KCNC2: variants seen among roughly 807,000 people sequenced by gnomAD.
KCNC2 encodes potassium voltage-gated channel subfamily C member 2, also known as voltage-gated potassium channel KCNC2.
Under a neutral mutation model 44.5 loss-of-function variants are expected in KCNC2, and 21 were observed. The ratio of observed to expected loss-of-function variants is 0.47; its 90% CI spans 0.33 to 0.68. KCNC2 has a LOEUF of 0.68. Ranked by LOEUF, KCNC2 falls within the 30% of genes least tolerant of loss-of-function variation. The probability of loss-of-function intolerance (pLI) is 0.01; values close to 1 mark genes in which losing one functional copy is unlikely to be tolerated. For synonymous variants in KCNC2, 391 were observed against 339.1 expected (o/e 1.15, Z -1.68); for missense variants, 589 against 826.2 (o/e 0.71, Z 3.52).
intron 2 of KCNC2, among the ~76,000 whole-genome samples, chr12:75,147,925 T>A (rs565354173): frequency 6.6e-6 from 1 of 152,232 alleles, no homozygotes; most frequent in African/African-American, 2.4e-5. Context: ...AGTATTATAG[T>A]CCAAACTACA....
At chr12:75,051,592 A>G (rs1015662495) in intron 2 of KCNC2, among the ~76,000 whole-genome samples, 1 of 152,178 alleles carries the variant, frequency 6.6e-6, no homozygotes, top group African/African-American at 2.4e-5. Flanking sequence ...GTAAGAAAAT[A>G]TAACCTGTAA....
intron 2 of KCNC2, among the ~76,000 whole-genome samples, chr12:75,183,794 A>T (rs1479917614): frequency 2.0e-5 from 3 of 152,188 alleles, no homozygotes; most frequent in Non-Finnish European, 4.4e-5. Flanking sequence ...AAGAATGTTC[A>T]TGTCTTAGAA....
chr12:75,123,532 T>C (rs1888190427), intron 2 of KCNC2, among the ~76,000 whole-genome samples: 2 of 152,144 alleles, frequency 1.3e-5, no homozygotes, highest in African/African-American at 4.8e-5. Flanking sequence ...CCCTAATTAT[T>C]CATTCTGTCA....
chr12:75,202,565 A>G (rs1162414063), intron 2 of KCNC2, among the ~76,000 whole-genome samples: 2 of 151,800 alleles, frequency 1.3e-5, no homozygotes, highest in Non-Finnish European at 3.0e-5. Flanking sequence ...AATTAAATAG[A>G]AATAATGAAA....
At position 75,166,444 on chromosome 12, in the gene KCNC2, T is replaced by C. The variant is rs540934095; in HGVS notation, c.687+40853A>G. ...ATGGAAAGAGAAAACTCGAATGATC[T>C]AAAAAAAAAAAAAGTTAGACCTAAC... On this transcript the variant is annotated intron_variant, in intron 2 of 4. Coordinates refer to ENST00000549446, the MANE Select transcript of KCNC2 (RefSeq NM_139137.4). Among the ~76,000 whole-genome samples, 33 of 140,560 alleles carry C rather than the reference T, an allele frequency of 2.3e-4. No homozygotes were observed. In the South Asian group the frequency reaches 7.2e-3, roughly 31 times the overall value. The allele number at this position is 140,560 out of a possible 152,430, so 92.2% of individuals were successfully genotyped here. A position where few individuals can be genotyped will look rare whatever the true frequency, so the allele number is the denominator to read the frequency against.
Position 75,051,165 on chromosome 12 carries a change from A to C in KCNC2, c.840T>G (p.Pro280=). ...ACACTCCTTCTACATACGTCAAGGC[A>C]GGATCCGTTTCAATTTCATACTGTA... The part of the protein sequence containing the change: ...VVLQYEIETD[P]ALTYVEGVCV... The change falls in exon 3 of 5, where the codon CCT becomes CCG. Residue 280 remains proline, a synonymous_variant. Coordinates refer to ENST00000549446, the MANE Select transcript of KCNC2 (RefSeq NM_139137.4). 1 of 1,613,840 alleles carries C rather than the reference A, an allele frequency of 6.2e-7. No individual in the cohort carries two copies.
chr12:75,166,677 T>C (rs992655960), intron 2 of KCNC2, among the ~76,000 whole-genome samples: 1 of 151,092 alleles, frequency 6.6e-6, no homozygotes, highest in Non-Finnish European at 1.5e-5. Context: ...AGTTCACAAA[T>C]AGTCAGAAAT....
In KCNC2 at chr12:75,201,263, A is replaced by G. The variant is rs961564276; in HGVS notation, c.687+6034T>C. On this transcript the variant is annotated intron_variant, in intron 2 of 4. Transcript: ENST00000549446. Reference sequence around the variant, plus strand: ...GGCAGAAAGTTACAAACGAAATTGGAAAAAAAAAAAAAAAAAAAAAAAAAA... The same window carrying G: ...GGCAGAAAGTTACAAACGAAATTGGGAAAAAAAAAAAAAAAAAAAAAAAAA... 3.3e-4 allele frequency among the ~76,000 whole-genome samples: 12 copies of G among 36,242 alleles called. 1 individual carries two copies. Among genetic ancestry groups the G allele is most frequent in the African/African-American group, 1.6e-3 (11 of 6,960 alleles). The allele number at this position is 36,242 out of a possible 152,430, so 23.8% of individuals were successfully genotyped here.
intron 2 of KCNC2, among the ~76,000 whole-genome samples, chr12:75,191,992 G>C (rs1004374671): frequency 6.6e-6 from 1 of 151,840 alleles, no homozygotes; most frequent in Non-Finnish European, 1.5e-5. Flanking sequence ...ATGTACCTAT[G>C]CTTCTTTAAA....
intron 2 of KCNC2, among the ~76,000 whole-genome samples, chr12:75,152,896 A>C (rs928232020): frequency 1.3e-5 from 2 of 152,010 alleles, no homozygotes; most frequent in East Asian, 3.9e-4. Flanking sequence ...GTTGTAGTAC[A>C]CACAACATTC....
chr12:75,068,349 A>T (rs1011708399), intron 2 of KCNC2, among the ~76,000 whole-genome samples: 2 of 152,226 alleles, frequency 1.3e-5, no homozygotes, highest in Non-Finnish European at 2.9e-5. Flanking sequence ...GAAAAGACTA[A>T]ATAGAATATC....
chr12:75,056,381 G>A (rs1448114654), intron 2 of KCNC2, among the ~76,000 whole-genome samples: 2 of 151,856 alleles, frequency 1.3e-5, no homozygotes, highest in African/African-American at 4.8e-5. Flanking sequence ...TTTAATATTT[G>A]AAAATTAACA....
chr12:75,207,155 T>C lies in KCNC2; in HGVS notation c.687+142A>G, dbSNP rs2137824385. 2.1e-6 allele frequency: 3 copies of C among 1,407,570 alleles called. No homozygotes were observed. Among genetic ancestry groups the C allele is most frequent in the African/African-American group, 1.5e-5 (1 of 68,128 alleles). 87.2% of individuals were successfully genotyped at this position (1,407,570 alleles called of 1,614,324 possible). A position where few individuals can be genotyped will look rare whatever the true frequency, so the allele number is the denominator to read the frequency against. On this transcript the variant is annotated intron_variant, in intron 2 of 4. Transcript: ENST00000549446. This position sits in a 1 kb window ranked among gnomAD's most constrained non-coding sequence, Gnocchi z 4.1. Reference sequence around the variant, plus strand: ...GTCCCTGGGTTTACCCTGCAAAGGATGAGCCTCTAACTGTATCGCTAGGAA... The same window carrying C: ...GTCCCTGGGTTTACCCTGCAAAGGACGAGCCTCTAACTGTATCGCTAGGAA...
intron 2 of KCNC2, among the ~76,000 whole-genome samples, chr12:75,086,277 A>G (rs953979383): frequency 2.0e-5 from 3 of 152,052 alleles, no homozygotes; most frequent in Non-Finnish European, 4.4e-5. Flanking sequence ...AAGACAAGAC[A>G]GTGTGCCAAA....
At chr12:75,157,986 G>T (rs866890412) in intron 2 of KCNC2, among the ~76,000 whole-genome samples, 1 of 151,726 alleles carries the variant, frequency 6.6e-6, no homozygotes, top group African/African-American at 2.4e-5. Flanking sequence ...AGTCATTTGC[G>T]GCAGGTCACT....
chr12:75,187,054 A>C (rs1026160071), intron 2 of KCNC2, among the ~76,000 whole-genome samples: 1 of 152,144 alleles, frequency 6.6e-6, no homozygotes, highest in Admixed American at 6.5e-5. Flanking sequence ...TCCTTTTTTT[A>C]AAAAAGATGC....
chr12:75,169,761 T>C (rs547247713), intron 2 of KCNC2, among the ~76,000 whole-genome samples: 4 of 151,642 alleles, frequency 2.6e-5, no homozygotes, highest in Non-Finnish European at 4.4e-5. Context: ...GAACAAGAGC[T>C]ATTAATAAAA....
intron 2 of KCNC2, among the ~76,000 whole-genome samples, chr12:75,062,422 G>T (rs1195008976): frequency 6.6e-6 from 1 of 152,028 alleles, no homozygotes; most frequent in African/African-American, 2.4e-5. Context: ...TTGTCTTCTA[G>T]ATTTTTATAT....
At chr12:75,049,319 C>G (rs780618160) in intron 3 of KCNC2, among the ~76,000 whole-genome samples, 2 of 151,928 alleles carry the variant, frequency 1.3e-5, no homozygotes, top group South Asian at 2.1e-4. Flanking sequence ...GATGTTACTT[C>G]TAAATTATGC....
Sources: gnomAD v4.1 joint callset for allele counts (sites outside exome capture counted in the v4.1 genomes callset) on GRCh38, gnomAD v4.1.1 for gene constraint, Gnocchi (gnomAD v3.1) non-coding constraint, MANE v1.5 for transcripts, NCBI Gene and HGNC (gene_info 2026-07-23, HGNC 2026-07-21) for gene names.